OPA3: variants seen among roughly 807,000 people sequenced by gnomAD.
OPA3 encodes optic atrophy 3 protein.
A neutral mutation model predicts 4.0 loss-of-function variants in OPA3; 6 were observed. The observed-to-expected ratio is 1.51, with a 90% CI of 0.83 to 2.99. OPA3 has a LOEUF of 2.99. Ranked by LOEUF, OPA3 falls within the 30% of genes most tolerant of loss-of-function variation. The pLI is 0.00. For missense variants in OPA3, 235 were observed against 256.2 expected (o/e 0.92, Z 0.56); for synonymous variants, 105 against 117.1 (o/e 0.90, Z 0.67).
chr19:45,569,051 G>A (rs1287335620), intron 1 of OPA3, among the ~76,000 whole-genome samples: 2 of 152,154 alleles, frequency 1.3e-5, no homozygotes, highest in African/African-American at 2.4e-5. Context: ...CTGAAGCATA[G>A]CCACACCCCA....
chr19:45,571,277 G>C (rs58479737), intron 1 of OPA3, among the ~76,000 whole-genome samples: 22,609 of 151,874 alleles, frequency 0.15, 1,945 homozygotes, highest in South Asian at 0.22. Context: ...CCAAGTAGCT[G>C]AGATTACAGG....
intron 1 of OPA3, among the ~76,000 whole-genome samples, chr19:45,571,376 G>A (rs7248126): frequency 0.67 from 102,455 of 151,902 alleles, 35,421 homozygotes; most frequent in African/African-American, 0.84. Flanking sequence ...TGAACTCCCC[G>A]CCTCAGGGGA....
At chr19:45,542,680 T>C (rs201344948), downstream of OPA3, among the ~76,000 whole-genome samples, 6,889 of 147,262 alleles carry the variant, frequency 0.047, 391 homozygotes, top group East Asian at 0.22. Flanking sequence ...TTTTTTTTTT[T>C]TTTTTTTTGA....
chr19:45,556,486 C>T (rs928038553), intron 1 of OPA3, among the ~76,000 whole-genome samples: 4 of 152,106 alleles, frequency 2.6e-5, no homozygotes, highest in East Asian at 1.9e-4. Context: ...CCTCTGGAGC[C>T]GCTAGAACTA....
At chr19:45,559,403 T>C (rs1327051011) in intron 1 of OPA3, among the ~76,000 whole-genome samples, 3 of 129,770 alleles carry the variant, frequency 2.3e-5, no homozygotes, top group African/African-American at 6.0e-5. Flanking sequence ...CTTTCTTTTT[T>C]TTTTTTTTTT....
intron 1 of OPA3, 23 bp downstream of exon 1, chr19:45,584,600 G>C: frequency 6.2e-7 from 1 of 1,614,174 alleles, no homozygotes; most frequent in Non-Finnish European, 8.5e-7. Context: ...AAAAAGGTTG[G>C]AGGGAATTCG....
rs890552307 is a variant in OPA3, at chr19:45,549,710, C to T, written c.*3804G>A. ...GGCCAGGCTGGTCTCGATCTCCTAA[C>T]ATCATGTGATCAGTCCACCTTGGCC... is the stretch of plus-strand genomic sequence containing the variant. On this transcript the variant is annotated 3_prime_UTR_variant, in exon 2 of 2. Coordinates refer to ENST00000263275, the MANE Select transcript of OPA3 (RefSeq NM_025136.4). 1.0e-6 allele frequency: 1 copy of T among 965,956 alleles called. No homozygotes were observed. Among genetic ancestry groups the T allele is most frequent in the East Asian group, 1.2e-4 (1 of 8,620 alleles). The allele number at this position is 965,956 out of a possible 1,614,324, so 59.8% of individuals were successfully genotyped here.
Position 45,552,238 on chromosome 19 carries a change from T to G in OPA3, c.*1276A>C. The G allele has an allele frequency of 1.0e-6, 1 of 984,230 alleles. No individual in the cohort carries two copies. The highest frequency in any genetic ancestry group is 1.7e-5 in the African/African-American group (1 of 57,278). The allele number at this position is 984,230 out of a possible 1,614,324, so 61.0% of individuals were successfully genotyped here. ...TTGTGGGTTTTTTTAAGATGGAGTT[T>G]TGCTCGTTACCCAGGCTGGCATGCA... On this transcript the variant is annotated 3_prime_UTR_variant, in exon 2 of 2. Coordinates refer to ENST00000263275, the MANE Select transcript of OPA3 (RefSeq NM_025136.4).
chr19:45,548,183 T>G lies in OPA3; in HGVS notation c.*5331A>C, dbSNP rs1220474806. On this transcript the variant is annotated 3_prime_UTR_variant, in exon 2 of 2. Coordinates refer to ENST00000263275, the MANE Select transcript of OPA3 (RefSeq NM_025136.4). ...GACTCCAGCTACAAGCCATTGCCAC[T>G]GGGGGACCCAAGCCTGCCACTCAGC... 1 of 986,112 alleles carries G rather than the reference T, an allele frequency of 1.0e-6. No individual in the cohort carries two copies. Among genetic ancestry groups the G allele is most frequent in the African/African-American group, 1.7e-5 (1 of 57,336 alleles). 61.1% of individuals were successfully genotyped at this position (986,112 alleles called of 1,614,324 possible).
At chr19:45,560,937 T>G (rs1054469589) in intron 1 of OPA3, among the ~76,000 whole-genome samples, 1 of 152,228 alleles carries the variant, frequency 6.6e-6, no homozygotes, top group Non-Finnish European at 1.5e-5. Flanking sequence ...TTTCTGAGCA[T>G]GAAACTGCAG....
At chr19:45,564,809 A>C (rs1382717657) in intron 1 of OPA3, among the ~76,000 whole-genome samples, 1 of 152,148 alleles carries the variant, frequency 6.6e-6, no homozygotes, top group Non-Finnish European at 1.5e-5. Flanking sequence ...CCTACATTTT[A>C]CTTTCTCTAT....
intron 1 of OPA3, among the ~76,000 whole-genome samples, chr19:45,529,949 G>C (rs898766065): frequency 6.6e-6 from 1 of 151,966 alleles, no homozygotes; most frequent in Non-Finnish European, 1.5e-5. Context: ...GCCCAGGCTG[G>C]TCTCGAACTC....
At chr19:45,578,377 T>C (rs1049087541) in intron 1 of OPA3, among the ~76,000 whole-genome samples, 16 of 152,140 alleles carry the variant, frequency 1.1e-4, no homozygotes, top group African/African-American at 3.9e-4. Flanking sequence ...GATCAAAAAA[T>C]TGGCTCATCT....
rs866640460 is a variant in OPA3 at position 45,581,765 on chromosome 19, A to G, written c.142+2858T>C. Reference sequence around the variant, plus strand: ...AGAGGAGAACTGCAAGACAAAGAGTAATTCACGCAGAGTTGGCTGTGCGGG... The same window carrying G: ...AGAGGAGAACTGCAAGACAAAGAGTGATTCACGCAGAGTTGGCTGTGCGGG... On this transcript the variant is annotated intron_variant, in intron 1 of 1. Coordinates refer to ENST00000263275, the MANE Select transcript of OPA3 (RefSeq NM_025136.4). Among the ~76,000 whole-genome samples, 12 of 152,308 alleles carry G rather than the reference A, an allele frequency of 7.9e-5. No homozygotes were observed. In the South Asian group the frequency reaches 2.5e-3, roughly 32 times the overall value.
At chr19:45,542,079 G>A (rs973327380), downstream of OPA3, among the ~76,000 whole-genome samples, 1 of 152,114 alleles carries the variant, frequency 6.6e-6, no homozygotes, top group Non-Finnish European at 1.5e-5. Flanking sequence ...CTATAGTTAG[G>A]TGCAGTTAGG....
chr19:45,549,194 T>C lies in OPA3; in HGVS notation c.*4320A>G, dbSNP rs1277563749. ...ATTTATTCTAACCCCTCTCCCCAAA[T>C]TACAAGGTACACAGAATTCTAGCTA... On this transcript the variant is annotated 3_prime_UTR_variant, in exon 2 of 2. Transcript: ENST00000263275. 2.0e-6 allele frequency: 2 copies of C among 985,222 alleles called. No individual in the cohort carries two copies. Among genetic ancestry groups the C allele is most frequent in the Non-Finnish European group, 2.4e-6 (2 of 829,916 alleles). The allele number at this position is 985,222 out of a possible 1,614,324, so 61.0% of individuals were successfully genotyped here.
chr19:45,540,452 T>C (rs1969171948), intron 1 of OPA3, among the ~76,000 whole-genome samples: 1 of 150,530 alleles, frequency 6.6e-6, no homozygotes, highest in African/African-American at 2.4e-5. Flanking sequence ...CCCCAGCTAC[T>C]TGGGGGGTTG....
intron 1 of OPA3, among the ~76,000 whole-genome samples, chr19:45,572,531 T>C (rs11672603): frequency 7.9e-6 from 1 of 126,478 alleles, no homozygotes; most frequent in Non-Finnish European, 1.7e-5. Flanking sequence ...ATGAGATATA[T>C]ATATCATATG....
Position 45,584,724 on chromosome 19 carries a change from A to G in OPA3, c.41T>C (p.Leu14Ser). The change falls in exon 1 of 2, where the codon TTG becomes TCG. Residue 14 changes from leucine (L) to serine (S), a missense_variant. Physicochemically the swap from Leu to Ser is moderately radical, Grantham distance 145. Transcript: ENST00000263275. ...GAFPMAKLLY[L>S]GIRQVSKPLA... ...CGGCTTGCTGACCTGCCGGATGCCCAAGTATAGCAGCTTCGCCATAGGGAA... is the reference window on the plus strand; with the variant it reads ...CGGCTTGCTGACCTGCCGGATGCCCGAGTATAGCAGCTTCGCCATAGGGAA... 6.2e-7 allele frequency: 1 copy of G among 1,614,132 alleles called. No individual in the cohort carries two copies. The highest frequency in any genetic ancestry group is 8.5e-7 in the Non-Finnish European group (1 of 1,180,036).
Sources: gnomAD v4.1 joint callset for allele counts (sites outside exome capture counted in the v4.1 genomes callset) on GRCh38, gnomAD v4.1.1 for gene constraint, MANE v1.5 for transcripts, NCBI Gene and HGNC (gene_info 2026-07-23, HGNC 2026-07-21) for gene names.